The following CORIN variants were observed in gnomAD, a reference collection of about 807,000 sequenced individuals.
CORIN encodes atrial natriuretic peptide-converting enzyme.
CORIN carries 117 observed loss-of-function variants against 125.3 expected under a neutral mutation model. That is an observed-to-expected ratio of 0.93 (90% CI 0.80 to 1.09). The LOEUF (loss-of-function observed/expected upper bound fraction) is 1.09. CORIN is among the 50% of genes least tolerant of loss of function. The pLI, the probability that CORIN is intolerant of heterozygous loss-of-function variation, is 0.00. For synonymous variants in CORIN, 450 were observed against 466.4 expected, an observed-to-expected ratio of 0.96 and a Z score of 0.45; for missense variants, 1,253 against 1,306.7, an observed-to-expected ratio of 0.96 and a Z score of 0.63.
intron 3 of CORIN, among the ~76,000 whole-genome samples, chr4:47,766,922 G>A (rs1729778913): frequency 7.3e-6 from 1 of 136,906 alleles, no homozygotes; most frequent in Non-Finnish European, 1.5e-5. Flanking sequence ...ACTCCAGTCT[G>A]AGCAAAAGAG....
At chr4:47,653,105 G>T (rs1577786068) in intron 13 of CORIN, among the ~76,000 whole-genome samples, 1 of 152,166 alleles carries the variant, frequency 6.6e-6, no homozygotes. Flanking sequence ...CAGAGAGAGA[G>T]AAACCGCATT....
chr4:47,814,200 G>T (rs545136483), intron 1 of CORIN, among the ~76,000 whole-genome samples: 25 of 152,218 alleles, frequency 1.6e-4, no homozygotes, highest in African/African-American at 5.8e-4. Context: ...CTACTGGTGT[G>T]TCCTAAACAG....
At chr4:47,626,952 TA>T (rs1722594685) in intron 16 of CORIN, among the ~76,000 whole-genome samples, 1 of 151,972 alleles carries the variant, frequency 6.6e-6, no homozygotes, top group Non-Finnish European at 1.5e-5. Context: ...GTAAGAATTG[TA>T]ATATTTCTAT....
At chr4:47,661,626 G>C (rs992619178) in intron 12 of CORIN, 85 bp downstream of exon 12, 1 of 1,232,210 alleles carries the variant, frequency 8.1e-7, no homozygotes, top group Non-Finnish European at 1.1e-6. Context: ...AAACAAACAA[G>C]AAGCCATAAA....
intron 4 of CORIN, among the ~76,000 whole-genome samples, chr4:47,754,779 T>A (rs1729060537): frequency 6.6e-6 from 1 of 152,064 alleles, no homozygotes; most frequent in Non-Finnish European, 1.5e-5. Context: ...ATTTGCAAAC[T>A]CAACTTAGTA....
chr4:47,698,659 G>A (rs944291373), intron 5 of CORIN, among the ~76,000 whole-genome samples: 2 of 152,086 alleles, frequency 1.3e-5, no homozygotes, highest in Non-Finnish European at 2.9e-5. Flanking sequence ...TAGACTCTAG[G>A]GGGACAAGGG....
At chr4:47,834,259 A>G (rs899723382) in intron 1 of CORIN, among the ~76,000 whole-genome samples, 8 of 152,178 alleles carry the variant, frequency 5.3e-5, no homozygotes, top group Non-Finnish European at 1.2e-4. Context: ...ATACAGTACA[A>G]TATTACTCAG....
intron 6 of CORIN, among the ~76,000 whole-genome samples, chr4:47,690,686 G>A (rs993288480): frequency 8.5e-5 from 13 of 152,096 alleles, no homozygotes; most frequent in Non-Finnish European, 1.8e-4. Context: ...CACTGAGAAC[G>A]CACAGCAAAA....
intron 5 of CORIN, among the ~76,000 whole-genome samples, chr4:47,713,033 C>T (rs1560516236): frequency 6.6e-6 from 1 of 151,880 alleles, no homozygotes; most frequent in African/African-American, 2.4e-5. Flanking sequence ...CAGGGTAAGG[C>T]AGTTTTTAAA....
chr4:47,630,538 A>G (rs1432833681), intron 16 of CORIN, among the ~76,000 whole-genome samples: 1 of 152,220 alleles, frequency 6.6e-6, no homozygotes, highest in Non-Finnish European at 1.5e-5. Context: ...AAATGCTTCC[A>G]TAGCATCTAT....
intron 16 of CORIN, among the ~76,000 whole-genome samples, chr4:47,641,394 A>G (rs1434023259): frequency 6.6e-6 from 1 of 152,244 alleles, no homozygotes; most frequent in East Asian, 1.9e-4. Context: ...GCAAGTATCT[A>G]ACTTTCAAAG....
intron 3 of CORIN, among the ~76,000 whole-genome samples, chr4:47,768,518 A>G (rs532819375): frequency 1.2e-4 from 18 of 152,364 alleles, no homozygotes; most frequent in African/African-American, 4.1e-4. Context: ...CAAGGACACT[A>G]CAAGAGAAGA....
intron 2 of CORIN, among the ~76,000 whole-genome samples, chr4:47,798,840 T>A (rs1463941788): frequency 2.6e-5 from 4 of 152,074 alleles, no homozygotes; most frequent in African/African-American, 9.7e-5. Flanking sequence ...ACCCTTGCCC[T>A]CCTCCATAGT....
chr4:47,824,292 T>A (rs1480785486), intron 1 of CORIN, among the ~76,000 whole-genome samples: 15 of 126,230 alleles, frequency 1.2e-4, no homozygotes, highest in African/African-American at 4.7e-4. Context: ...TTAATAGAGG[T>A]AGTGTTAAAC....
At chr4:47,649,064 T>G (rs1310044271) in intron 13 of CORIN, among the ~76,000 whole-genome samples, 1 of 152,166 alleles carries the variant, frequency 6.6e-6, no homozygotes, top group Non-Finnish European at 1.5e-5. Context: ...AGGGCAGCCA[T>G]ACCAGCACAG....
At chr4:47,761,355 T>C (rs185668864) in intron 4 of CORIN, among the ~76,000 whole-genome samples, 1 of 152,242 alleles carries the variant, frequency 6.6e-6, no homozygotes, top group Admixed American at 6.5e-5. Context: ...TAGCCTAATT[T>C]GAATATTACT....
intron 16 of CORIN, among the ~76,000 whole-genome samples, chr4:47,637,420 G>T (rs1723068947): frequency 6.6e-6 from 1 of 152,246 alleles, no homozygotes; most frequent in Non-Finnish European, 1.5e-5. Flanking sequence ...ACATGTCAGA[G>T]GTCTTCATGG....
At chr4:47,781,682 G>A (rs375066695) in intron 3 of CORIN, among the ~76,000 whole-genome samples, 19 of 152,308 alleles carry the variant, frequency 1.2e-4, no homozygotes, top group South Asian at 8.3e-4. Flanking sequence ...GTGGCTGGGC[G>A]CAGTGGCTAA....
chr4:47,768,954 C>A (rs1729892148), intron 3 of CORIN, among the ~76,000 whole-genome samples: 1 of 152,070 alleles, frequency 6.6e-6, no homozygotes, highest in African/African-American at 2.4e-5. Context: ...CAACATAGCA[C>A]TGGAAGTCCT....
Sources: gnomAD v4.1 joint callset for allele counts (sites outside exome capture counted in the v4.1 genomes callset) on GRCh38, gnomAD v4.1.1 for gene constraint, MANE v1.5 for transcripts, NCBI Gene and HGNC (gene_info 2026-07-23, HGNC 2026-07-21) for gene names.